SOX6: variants seen among roughly 807,000 people sequenced by gnomAD.
SOX6 encodes transcription factor SOX-6.
SOX6 carries 11 observed loss-of-function variants against 97.8 expected under a neutral mutation model. The observed-to-expected ratio is 0.11, with a 90% confidence interval of 0.07 to 0.19. SOX6 has a LOEUF of 0.19. Ranked by LOEUF, SOX6 falls within the 10% of genes least tolerant of loss-of-function variation. The probability of loss-of-function intolerance (pLI) is 1.00; values close to 1 mark genes in which losing one functional copy is unlikely to be tolerated. For synonymous variants in SOX6, 360 were observed against 371.4 expected (o/e 0.97, Z 0.35); for missense variants, 810 against 1,039.5 (o/e 0.78, Z 3.04).
At chr11:16,377,993 A>G (rs924057873) in intron 1 of SOX6, among the ~76,000 whole-genome samples, 3 of 152,126 alleles carry the variant, frequency 2.0e-5, no homozygotes, top group African/African-American at 7.2e-5. Context: ...ACCAGTAAAA[A>G]TTATCTTCGA....
chr11:16,107,396 T>TATATATATATGTATATATATAC (rs1564958323), intron 7 of SOX6, among the ~76,000 whole-genome samples: 3 of 140,940 alleles, frequency 2.1e-5, no homozygotes, highest in African/African-American at 8.6e-5. Context: ...CATATATATG[T>TATATATATATGTATATATATAC]ATATATATGT....
intron 1 of SOX6, among the ~76,000 whole-genome samples, chr11:16,475,891 T>C (rs1277928524): frequency 6.6e-6 from 1 of 152,220 alleles, no homozygotes; most frequent in Non-Finnish European, 1.5e-5. Context: ...CTTTGAATTC[T>C]ACATTGTCTC....
chr11:16,049,857 G>A lies in SOX6; in HGVS notation c.1333C>T (p.Gln445Ter). The A allele has an allele frequency of 6.2e-7, 1 of 1,613,544 alleles. No individual in the cohort carries two copies. Among genetic ancestry groups the A allele is most frequent in the Non-Finnish European group, 8.5e-7 (1 of 1,179,724 alleles). The change falls in exon 11 of 16, where the codon CAG becomes TAG. Residue 445 changes from glutamine to a stop codon, truncating the protein, a stop_gained. Transcript: ENST00000683767. LOFTEE classifies it high-confidence loss of function. ...EPVKSPTSPTQNLFPASKTSP... is the reference protein window; with the variant it reads ...EPVKSPTSPT ...GTTTTGCTGGCTGGGAAGAGGTTCT[G>A]GGTGGGAGACGTTGGGGACTTTACA...
At chr11:16,030,493 A>T (rs1590143313) in intron 12 of SOX6, among the ~76,000 whole-genome samples, 1 of 152,324 alleles carries the variant, frequency 6.6e-6, no homozygotes, top group East Asian at 1.9e-4. Context: ...AAGGTAAAGC[A>T]ATATTTAATA....
intron 4 of SOX6, among the ~76,000 whole-genome samples, chr11:16,556,379 T>A (rs934713423): frequency 6.6e-6 from 1 of 151,758 alleles, no homozygotes; most frequent in African/African-American, 2.4e-5. Flanking sequence ...ATCTAACTCA[T>A]TTTTATCTCA....
intron 6 of SOX6, among the ~76,000 whole-genome samples, chr11:16,145,213 C>A (rs576967617): frequency 6.6e-6 from 1 of 152,194 alleles, no homozygotes; most frequent in South Asian, 2.1e-4. Flanking sequence ...AATCAATAAA[C>A]GGAATCCAGC....
intron 6 of SOX6, among the ~76,000 whole-genome samples, chr11:16,151,065 A>T (rs1221508109): frequency 1.3e-5 from 2 of 152,160 alleles, no homozygotes; most frequent in Non-Finnish European, 2.9e-5. Context: ...ATACTTTTGG[A>T]TTTTACAGTA....
intron 1 of SOX6, among the ~76,000 whole-genome samples, chr11:16,465,098 C>CCA (rs1387772651): frequency 6.6e-6 from 1 of 152,162 alleles, no homozygotes; most frequent in Non-Finnish European, 1.5e-5. Flanking sequence ...ATTTGTTCAA[C>CCA]CACATTGTCT....
chr11:16,320,144 C>T (rs770981193), intron 2 of SOX6, among the ~76,000 whole-genome samples: 1 of 152,000 alleles, frequency 6.6e-6, no homozygotes, highest in African/African-American at 2.4e-5. Context: ...TTGCATTCAC[C>T]TTTTATCTGT....
chr11:16,160,547 G>A (rs1850721400), intron 6 of SOX6, among the ~76,000 whole-genome samples: 1 of 152,108 alleles, frequency 6.6e-6, no homozygotes, highest in Non-Finnish European at 1.5e-5. Flanking sequence ...TACTTTACGG[G>A]GTGGAGGCTA....
chr11:16,099,629 T>TA lies in SOX6; in HGVS notation c.899-1942dup, dbSNP rs1377670442. On this transcript the variant is annotated intron_variant, in intron 7 of 15. Transcript: ENST00000683767. ...AACATTTTTCATGTCAAACATATTT[T>TA]AAAAAAATCAAACTCTAAAAGAATT... is the stretch of plus-strand genomic sequence containing the variant. 3.3e-5 allele frequency among the ~76,000 whole-genome samples: 5 copies of TA among 151,570 alleles called. No individual in the cohort carries two copies. In the East Asian group the frequency reaches 5.8e-4, roughly 18 times the overall value.
intron 4 of SOX6, among the ~76,000 whole-genome samples, chr11:16,222,396 T>C (rs1285641266): frequency 6.6e-6 from 1 of 152,046 alleles, no homozygotes; most frequent in Non-Finnish European, 1.5e-5. Flanking sequence ...TAATTTTTTG[T>C]AGAGATGGGG....
intron 1 of SOX6, among the ~76,000 whole-genome samples, chr11:16,345,073 T>C (rs2134347559): frequency 6.6e-6 from 1 of 152,100 alleles, no homozygotes; most frequent in South Asian, 2.1e-4. Context: ...GTGTCTACAG[T>C]GGTACAATCT....
intron 3 of SOX6, among the ~76,000 whole-genome samples, chr11:16,677,941 A>G (rs1353340059): frequency 6.6e-6 from 1 of 152,218 alleles, no homozygotes; most frequent in Non-Finnish European, 1.5e-5. Context: ...GTCTTTTAAG[A>G]AATTGATTTC....
intron 3 of SOX6, among the ~76,000 whole-genome samples, chr11:16,614,268 C>A (rs1430407280): frequency 6.6e-6 from 1 of 152,136 alleles, no homozygotes; most frequent in African/African-American, 2.4e-5. Context: ...TGACTCCGTA[C>A]TCCCTGGGAC....
At chr11:16,681,783 G>A (rs1035871981) in intron 3 of SOX6, among the ~76,000 whole-genome samples, 5 of 152,056 alleles carry the variant, frequency 3.3e-5, no homozygotes, top group Non-Finnish European at 5.9e-5. Flanking sequence ...AGGGGATATT[G>A]CCACTGATCC....
chr11:15,981,842 A>G (rs185990411), intron 15 of SOX6, among the ~76,000 whole-genome samples: 22 of 152,222 alleles, frequency 1.4e-4, no homozygotes, highest in Admixed American at 5.2e-4. Flanking sequence ...TAGAATAATA[A>G]TATTTACTTG....
intron 3 of SOX6, among the ~76,000 whole-genome samples, chr11:16,699,378 G>C (rs188351407): frequency 6.6e-6 from 1 of 151,962 alleles, no homozygotes; most frequent in Non-Finnish European, 1.5e-5. Context: ...ACATCACGCT[G>C]CCACCAAGAA....
chr11:16,066,630 G>A (rs1029499651), intron 9 of SOX6, among the ~76,000 whole-genome samples: 3 of 152,128 alleles, frequency 2.0e-5, no homozygotes, highest in African/African-American at 7.2e-5. Flanking sequence ...TTATGCCAAG[G>A]GAAGTAAGCC....
Sources: allele counts gnomAD v4.1 joint callset (sites outside exome capture counted in the v4.1 genomes callset), GRCh38; gene constraint gnomAD v4.1.1; transcripts MANE v1.5; gene names NCBI Gene and HGNC (gene_info 2026-07-23, HGNC 2026-07-21).